MYH15: variants seen among roughly 807,000 people sequenced by gnomAD.
MYH15 encodes the protein myosin heavy chain 15.
Under a neutral mutation model 240.5 loss-of-function variants are expected in MYH15, and 227 were observed. The ratio of observed to expected loss-of-function variants is 0.94; its 90% CI spans 0.85 to 1.05. The LOEUF is 1.05. Ranked by LOEUF, MYH15 falls within the 50% of genes least tolerant of loss-of-function variation. MYH15 has a pLI of 0.00. For synonymous variants in MYH15, 785 were observed against 796.7 expected (o/e 0.99, Z 0.25); for missense variants, 2,217 against 2,247.5 (o/e 0.99, Z 0.27).
chr3:108,439,933 G>T lies in MYH15; in HGVS notation c.2899-20C>A. On this transcript the variant is annotated intron_variant, in intron 23 of 40. Coordinates refer to ENST00000693548, the MANE Select transcript of MYH15 (RefSeq NM_014981.3). ...CTTGACCTGTGGGAAGAAGATGACAGCTTCATTAAAGCCACTGCTGGAAAG... is the reference window on the plus strand; with the variant it reads ...CTTGACCTGTGGGAAGAAGATGACATCTTCATTAAAGCCACTGCTGGAAAG... The T allele has an allele frequency of 6.5e-7, 1 of 1,535,808 alleles. No homozygotes were observed. The highest frequency in any genetic ancestry group is 1.3e-5 in the South Asian group (1 of 76,832).
the MYH15 span, among the ~76,000 whole-genome samples, chr3:108,534,529 G>A: frequency 4.6e-5 from 7 of 152,034 alleles, no homozygotes; most frequent in African/African-American, 1.7e-4. Flanking sequence ...TCTCATAATT[G>A]TCTTCTTTAC....
At chr3:108,530,795 G>A (rs942820444), upstream of MYH15, among the ~76,000 whole-genome samples, 4 of 152,108 alleles carry the variant, frequency 2.6e-5, no homozygotes, top group African/African-American at 9.7e-5. Flanking sequence ...GCTTAAATGA[G>A]AAGAAAAGTC....
chr3:108,444,021 T>G (rs2082906815), intron 22 of MYH15, among the ~76,000 whole-genome samples: 3 of 127,922 alleles, frequency 2.3e-5, no homozygotes, highest in Non-Finnish European at 3.3e-5. Context: ...GGGGGAGGGA[T>G]AGCATTAGGA....
intron 11 of MYH15, among the ~76,000 whole-genome samples, chr3:108,481,129 T>C (rs895594559): frequency 2.6e-5 from 4 of 152,282 alleles, no homozygotes; most frequent in East Asian, 1.9e-4. Context: ...TAAAAAGATA[T>C]TGCAGAAAAG....
chr3:108,517,382 G>A (rs375963024), intron 1 of MYH15, among the ~76,000 whole-genome samples: 1 of 152,136 alleles, frequency 6.6e-6, no homozygotes, highest in Non-Finnish European at 1.5e-5. Context: ...GCCCAGGCTG[G>A]AGTGCAATGG....
intron 25 of MYH15, among the ~76,000 whole-genome samples, chr3:108,435,199 T>C (rs1319092366): frequency 1.3e-5 from 2 of 152,232 alleles, no homozygotes; most frequent in African/African-American, 4.8e-5. Context: ...TGATGTCAAA[T>C]ATATAATGCC....
At chr3:108,452,790 A>T (rs892343640) in intron 21 of MYH15, among the ~76,000 whole-genome samples, 2 of 151,892 alleles carry the variant, frequency 1.3e-5, no homozygotes, top group African/African-American at 4.8e-5. Context: ...ATATATGTTA[A>T]TTTTTTTTAA....
chr3:108,474,883 C>T (rs11915666), intron 12 of MYH15, among the ~76,000 whole-genome samples: 8 of 152,058 alleles, frequency 5.3e-5, no homozygotes, highest in African/African-American at 1.9e-4. Flanking sequence ...GCTTACAGGG[C>T]ATTGTTTTAG....
In MYH15 at chr3:108,501,758, G is replaced by T; in HGVS notation, c.293C>A (p.Ser98Tyr). 6.2e-7 allele frequency: 1 copy of T among 1,614,102 alleles called. No individual in the cohort carries two copies. The highest frequency in any genetic ancestry group is 2.2e-5 in the East Asian group (1 of 44,888). The stretch of plus-strand genomic sequence containing the variant: ...GCGCCGCTTCAGGGTATGCAGCACG[G>T]ATGCCTCATTGAGGTGAGTCAGCAT... Reference protein sequence around the residue: ...MAMLTHLNEASVLHTLKRRYG... With the variant: ...MAMLTHLNEAYVLHTLKRRYG... Residue 98 changes from serine (S) to tyrosine (Y), a missense_variant, in exon 3 of 41, where the codon TCC (serine) becomes TAC (tyrosine). Ser to Tyr is a moderately radical substitution (Grantham distance 144, BLOSUM62 -2). Coordinates refer to ENST00000693548, the MANE Select transcript of MYH15 (RefSeq NM_014981.3).
chr3:108,444,986 T>C, intron 21 of MYH15, 91 bp from the exon 22 acceptor site: 1 of 1,387,528 alleles, frequency 7.2e-7, no homozygotes, highest in Non-Finnish European at 9.6e-7. Flanking sequence ...CACATATTTT[T>C]AGGAGTCATA....
At chr3:108,385,996 A>T (rs183558583) in intron 38 of MYH15, among the ~76,000 whole-genome samples, 2 of 152,236 alleles carry the variant, frequency 1.3e-5, no homozygotes. Flanking sequence ...GGATGAATAT[A>T]TATGAAAGAA....
intron 14 of MYH15, among the ~76,000 whole-genome samples, chr3:108,468,376 T>A (rs2083140285): frequency 6.6e-6 from 1 of 152,266 alleles, no homozygotes; most frequent in Non-Finnish European, 1.5e-5. Context: ...TATATATTGA[T>A]GTGTTTTAGT....
chr3:108,536,003 C>T, the MYH15 span, among the ~76,000 whole-genome samples: 1 of 152,162 alleles, frequency 6.6e-6, no homozygotes, highest in African/African-American at 2.4e-5. Context: ...CGAGGTGGCT[C>T]ATGTCTGTAA....
rs186672934 is a variant in MYH15, at chr3:108,387,012, G to A, written c.5535+1958C>T. Among the ~76,000 whole-genome samples the A allele has an allele frequency of 3.9e-5, 6 of 152,120 alleles. No individual in the cohort carries two copies. The East Asian group carries it at 9.7e-4, about 25-fold the overall frequency. On this transcript the variant is annotated intron_variant, in intron 38 of 40. Transcript: ENST00000693548. ...TTCTAGGTGCTGGAGAGAGAAAATA[G>A]GACAAGTTTCCAAATGCTAAGGGGA...
intron 11 of MYH15, among the ~76,000 whole-genome samples, chr3:108,480,919 T>C (rs1169468768): frequency 1.3e-5 from 2 of 152,192 alleles, no homozygotes; most frequent in African/African-American, 4.8e-5. Context: ...TCCAGCTCCT[T>C]CAAAACCTTC....
At chr3:108,510,218 C>T (rs1378776426) in intron 1 of MYH15, among the ~76,000 whole-genome samples, 1 of 151,926 alleles carries the variant, frequency 6.6e-6, no homozygotes, top group Non-Finnish European at 1.5e-5. Context: ...TGTGTAGGGC[C>T]CGGGCCTAGA....
At chr3:108,440,041 A>T in intron 23 of MYH15, 128 bp from the exon 24 acceptor site, 1 of 742,580 alleles carries the variant, frequency 1.3e-6, no homozygotes, top group Non-Finnish European at 2.0e-6. Flanking sequence ...AGCTGTATTT[A>T]GCCAAATTCC....
chr3:108,513,329 C>T (rs1405688339), upstream of MYH15, among the ~76,000 whole-genome samples: 2 of 152,254 alleles, frequency 1.3e-5, no homozygotes, highest in Non-Finnish European at 2.9e-5. Flanking sequence ...CCATGATAAA[C>T]AAACTTGTAT....
At chr3:108,447,506 G>A (rs1432500890) in intron 21 of MYH15, among the ~76,000 whole-genome samples, 1 of 151,942 alleles carries the variant, frequency 6.6e-6, no homozygotes, top group Non-Finnish European at 1.5e-5. Context: ...ACCCTCATGA[G>A]ACTATGAGCA....
Sources: gnomAD v4.1 joint callset for allele counts (sites outside exome capture counted in the v4.1 genomes callset) on GRCh38, gnomAD v4.1.1 for gene constraint, MANE v1.5 for transcripts, NCBI Gene and HGNC (gene_info 2026-07-23, HGNC 2026-07-21) for gene names.